Variants in RABGAP1L observed in about 807,000 individuals in gnomAD.
RABGAP1L encodes the protein RAB GTPase activating protein 1 like.
Under a neutral mutation model 137.7 loss-of-function variants are expected in RABGAP1L, and 63 were observed. That is an observed-to-expected ratio of 0.46 (90% CI 0.37 to 0.56). The LOEUF (loss-of-function observed/expected upper bound fraction) is 0.56, where lower values mean the gene tolerates loss of function less well. RABGAP1L is among the 20% of genes least tolerant of loss of function. The probability of loss-of-function intolerance (pLI) is 0.00; values close to 1 mark genes in which losing one functional copy is unlikely to be tolerated. For synonymous variants in RABGAP1L, 431 were observed against 433.7 expected, an observed-to-expected ratio of 0.99 and a Z score of 0.08; for missense variants, 1,095 against 1,244.0, an observed-to-expected ratio of 0.88 and a Z score of 1.80.
chr1:174,880,578 T>C (rs1264761002), intron 19 of RABGAP1L, among the ~76,000 whole-genome samples: 1 of 141,564 alleles, frequency 7.1e-6, no homozygotes, highest in East Asian at 2.5e-4. Context: ...CCTCCCTCTC[T>C]TCCTTCCTCC....
chr1:174,958,503 A>G (rs1291845232), intron 20 of RABGAP1L, among the ~76,000 whole-genome samples: 1 of 152,218 alleles, frequency 6.6e-6, no homozygotes, highest in African/African-American at 2.4e-5. Flanking sequence ...CTGTATTTTC[A>G]GCACTGAGCA....
chr1:174,590,153 T>G (rs1669470252), intron 13 of RABGAP1L, among the ~76,000 whole-genome samples: 1 of 58,318 alleles, frequency 1.7e-5, no homozygotes, highest in South Asian at 4.7e-4. Context: ...TTTTTTTTTG[T>G]GAGCCAAATA....
chr1:174,920,818 C>T (rs1188968630), intron 19 of RABGAP1L, among the ~76,000 whole-genome samples: 1 of 152,192 alleles, frequency 6.6e-6, no homozygotes, highest in Admixed American at 6.5e-5. Context: ...ATTGAGCCCT[C>T]AGAAGATACA....
At chr1:174,288,315 T>G (rs1676255301) in intron 10 of RABGAP1L, among the ~76,000 whole-genome samples, 1 of 152,240 alleles carries the variant, frequency 6.6e-6, no homozygotes, top group Admixed American at 6.5e-5. Context: ...TTTATACATT[T>G]ATATGTTTTT....
intron 1 of RABGAP1L, among the ~76,000 whole-genome samples, chr1:174,181,325 G>A (rs1169155635): frequency 6.6e-6 from 1 of 151,414 alleles, no homozygotes; most frequent in African/African-American, 2.4e-5. Context: ...TTTATACAAG[G>A]GTCTTTCTTT....
At chr1:174,366,818 A>T (rs1464138556) in intron 11 of RABGAP1L, among the ~76,000 whole-genome samples, 3 of 147,934 alleles carry the variant, frequency 2.0e-5, no homozygotes, top group Non-Finnish European at 4.5e-5. Context: ...GAAGTTTAGC[A>T]CTAACAGTAT....
intron 13 of RABGAP1L, among the ~76,000 whole-genome samples, chr1:174,402,666 G>C (rs1003163472): frequency 3.3e-5 from 5 of 152,090 alleles, no homozygotes; most frequent in African/African-American, 1.2e-4. Context: ...TTATCATTGA[G>C]ATGTTTTTAT....
At chr1:174,796,387 G>C (rs1323645023) in intron 18 of RABGAP1L, among the ~76,000 whole-genome samples, 5 of 152,308 alleles carry the variant, frequency 3.3e-5, no homozygotes, top group Non-Finnish European at 4.4e-5. Context: ...GGAGGAAGAG[G>C]AGGAAAAGCT....
chr1:174,333,814 C>T (rs896481715), intron 11 of RABGAP1L, among the ~76,000 whole-genome samples: 2 of 152,164 alleles, frequency 1.3e-5, no homozygotes, highest in South Asian at 2.1e-4. Context: ...CGTGGAACAA[C>T]CCTATGTTTC....
intron 13 of RABGAP1L, among the ~76,000 whole-genome samples, chr1:174,454,700 C>T (rs574047172): frequency 1.3e-5 from 2 of 151,922 alleles, no homozygotes; most frequent in Admixed American, 6.6e-5. Context: ...CAGGCGCCCA[C>T]CAGCACTCCC....
At chr1:174,372,227 G>A (rs1261001125) in intron 12 of RABGAP1L, among the ~76,000 whole-genome samples, 3 of 151,944 alleles carry the variant, frequency 2.0e-5, no homozygotes, top group Non-Finnish European at 4.4e-5. Flanking sequence ...CAAAATATGA[G>A]CATGGACCAC....
chr1:174,694,215 A>G (rs989935314), intron 15 of RABGAP1L, among the ~76,000 whole-genome samples: 2 of 151,694 alleles, frequency 1.3e-5, no homozygotes, highest in Non-Finnish European at 1.5e-5. Flanking sequence ...TATTATTATT[A>G]TACTTTAAGT....
At chr1:174,880,170 T>A (rs1224535929) in intron 19 of RABGAP1L, among the ~76,000 whole-genome samples, 1 of 152,198 alleles carries the variant, frequency 6.6e-6, no homozygotes, top group East Asian at 1.9e-4. Context: ...ACATAATTTA[T>A]GTTTTTATAA....
intron 11 of RABGAP1L, among the ~76,000 whole-genome samples, chr1:174,351,064 A>G (rs1683130475): frequency 2.2e-5 from 1 of 45,768 alleles, no homozygotes; most frequent in Non-Finnish European, 4.1e-5. Flanking sequence ...TGAGAGGGAG[A>G]CCGTGGGGGG....
intron 13 of RABGAP1L, among the ~76,000 whole-genome samples, chr1:174,617,972 C>G (rs1349063517): frequency 6.6e-6 from 1 of 152,186 alleles, no homozygotes; most frequent in East Asian, 1.9e-4. Flanking sequence ...ATGGTCTTAG[C>G]AAATGGCACA....
At chr1:174,526,415 G>A (rs1415329819) in intron 13 of RABGAP1L, among the ~76,000 whole-genome samples, 1 of 152,068 alleles carries the variant, frequency 6.6e-6, no homozygotes, top group Admixed American at 6.6e-5. Flanking sequence ...GAGGAGGATT[G>A]GTATTAGTTC....
chr1:174,250,362 T>C (rs1188574571), intron 5 of RABGAP1L, 113 bp from the exon 6 acceptor site: 1 of 692,894 alleles, frequency 1.4e-6, no homozygotes, highest in Non-Finnish European at 2.2e-6. Context: ...AAAATATATA[T>C]TCTGCCAAAG....
At chr1:174,927,199 A>T (rs1662991718) in intron 19 of RABGAP1L, among the ~76,000 whole-genome samples, 1 of 152,130 alleles carries the variant, frequency 6.6e-6, no homozygotes, top group Non-Finnish European at 1.5e-5. Context: ...TTGATCATTT[A>T]TGTTGGGTTA....
intron 13 of RABGAP1L, among the ~76,000 whole-genome samples, chr1:174,457,477 CTTTT>C (rs746968960): frequency 2.8e-5 from 3 of 107,494 alleles, no homozygotes. Flanking sequence ...CAGGCATCAT[CTTTT>C]TTTTTTTTTT....
Sources: gnomAD v4.1 joint callset for allele counts (sites outside exome capture counted in the v4.1 genomes callset) on GRCh38, gnomAD v4.1.1 for gene constraint, MANE v1.5 for transcripts, NCBI Gene and HGNC (gene_info 2026-07-23, HGNC 2026-07-21) for gene names.